The following ZNF609 variants were observed in gnomAD, a reference collection of about 807,000 sequenced individuals.
The protein encoded by ZNF609 is zinc finger protein 609.
A neutral mutation model predicts 109.5 loss-of-function variants in ZNF609; 11 were observed. The observed-to-expected ratio is 0.10, with a 90% CI of 0.06 to 0.17. The LOEUF (loss-of-function observed/expected upper bound fraction) is 0.17. ZNF609 is among the 10% of genes least tolerant of loss of function. The probability of loss-of-function intolerance (pLI) is 1.00; values close to 1 mark genes in which losing one functional copy is unlikely to be tolerated. For synonymous variants in ZNF609, 646 were observed against 662.0 expected (o/e 0.98, Z 0.37); for missense variants, 1,559 against 1,772.4 (o/e 0.88, Z 2.16).
At chr15:64,537,759 T>G (rs1177752471) in intron 2 of ZNF609, among the ~76,000 whole-genome samples, 5 of 152,162 alleles carry the variant, frequency 3.3e-5, no homozygotes, top group Admixed American at 3.3e-4. Flanking sequence ...AACTGTAATA[T>G]GATTGTTTTG....
intron 3 of ZNF609, among the ~76,000 whole-genome samples, chr15:64,665,209 G>GT (rs1896629003): frequency 1.3e-5 from 2 of 152,164 alleles, no homozygotes; most frequent in African/African-American, 4.8e-5. Context: ...CTGCAATCCT[G>GT]TATGTGTATG....
chr15:64,615,189 T>A (rs1410981331), intron 2 of ZNF609, among the ~76,000 whole-genome samples: 1 of 152,000 alleles, frequency 6.6e-6, no homozygotes, highest in East Asian at 1.9e-4. Context: ...GCAGTGGTAG[T>A]ACCTTGGCTC....
At chr15:64,465,021 G>A (rs558255966) in intron 1 of ZNF609, among the ~76,000 whole-genome samples, 1 of 152,208 alleles carries the variant, frequency 6.6e-6, no homozygotes, top group Admixed American at 6.5e-5. Flanking sequence ...TGGTTTTTTA[G>A]ATCACTCAGT....
intron 2 of ZNF609, among the ~76,000 whole-genome samples, chr15:64,570,047 TA>T (rs1445413001): frequency 2.0e-5 from 3 of 152,252 alleles, no homozygotes; most frequent in Non-Finnish European, 4.4e-5. Flanking sequence ...AAAATAGAGA[TA>T]GGGGTCTCGC....
chr15:64,481,024 G>T (rs897288351), intron 1 of ZNF609, among the ~76,000 whole-genome samples: 4 of 152,166 alleles, frequency 2.6e-5, no homozygotes, highest in Non-Finnish European at 5.9e-5. Context: ...TGTAGGTCAG[G>T]CATTATTTCA....
At chr15:64,489,371 A>G (rs999241478) in intron 1 of ZNF609, among the ~76,000 whole-genome samples, 4 of 150,302 alleles carry the variant, frequency 2.7e-5, no homozygotes, top group African/African-American at 9.8e-5. Context: ...TAGTAGAGAC[A>G]GGGTTTTACC....
chr15:64,674,650 C>T lies in ZNF609; in HGVS notation c.1796C>T (p.Thr599Ile), dbSNP rs1896782084. 1 of 1,614,058 alleles carries T rather than the reference C, an allele frequency of 6.2e-7. No homozygotes were observed. The highest frequency in any genetic ancestry group is 8.5e-7 in the Non-Finnish European group (1 of 1,180,048). The change falls in exon 5 of 10, where the codon ACA becomes ATA. Residue 599 changes from threonine to isoleucine, a missense_variant. Transcript: ENST00000326648. ...AAAAAGTTGAGTGGGGAAGGGGACA[C>T]AGACCTTGGGGCCTTATCCAATGAT... Reference protein sequence around the residue: ...CKKKLSGEGDTDLGALSNDGS... With the variant: ...CKKKLSGEGDIDLGALSNDGS...
chr15:64,557,199 T>TG (rs1422867357), intron 2 of ZNF609, among the ~76,000 whole-genome samples: 1 of 151,682 alleles, frequency 6.6e-6, no homozygotes, highest in African/African-American at 2.4e-5. Context: ...TCTTTTTTTT[T>TG]TTTTTGACAA....
At chr15:64,509,694 C>T (rs948147490) in intron 2 of ZNF609, among the ~76,000 whole-genome samples, 2 of 152,176 alleles carry the variant, frequency 1.3e-5, no homozygotes, top group African/African-American at 4.8e-5. Flanking sequence ...GAGGGCTGAT[C>T]TCAGGTTGAG....
At chr15:64,618,964 C>T (rs912083904) in intron 2 of ZNF609, among the ~76,000 whole-genome samples, 4 of 152,114 alleles carry the variant, frequency 2.6e-5, no homozygotes, top group Non-Finnish European at 5.9e-5. Context: ...TACCTAGGTC[C>T]GTGGACACAG....
intron 3 of ZNF609, among the ~76,000 whole-genome samples, chr15:64,657,256 T>A (rs1896503535): frequency 6.9e-6 from 1 of 144,512 alleles, no homozygotes; most frequent in Non-Finnish European, 1.5e-5. Context: ...CAAGACTGTG[T>A]CTCAAAAAAA....
chr15:64,563,773 T>TCAAAA (rs370070824), intron 2 of ZNF609, among the ~76,000 whole-genome samples: 6,564 of 151,250 alleles, frequency 0.043, 194 homozygotes, highest in Middle Eastern at 0.061. Flanking sequence ...AAACTCTGTC[T>TCAAAA]CAAAACAAAA....
rs1461856416 is a variant in ZNF609 at position 64,542,806 on chromosome 15, C to G, written c.747+42640C>G. 2.6e-5 allele frequency among the ~76,000 whole-genome samples: 4 copies of G among 152,162 alleles called. No homozygotes were observed. In the East Asian group the frequency reaches 7.7e-4, roughly 29 times the overall value. On this transcript the variant is annotated intron_variant, in intron 2 of 9. Coordinates refer to ENST00000326648, the MANE Select transcript of ZNF609 (RefSeq NM_015042.2). ...TTAGTTGGACCTTAACACTTTTTACCTGCATCATTCCAGGTTGGTCCCCTG... is the reference window on the plus strand; with the variant it reads ...TTAGTTGGACCTTAACACTTTTTACGTGCATCATTCCAGGTTGGTCCCCTG...
intron 2 of ZNF609, among the ~76,000 whole-genome samples, chr15:64,581,966 C>T (rs1595727311): frequency 6.6e-6 from 1 of 152,078 alleles, no homozygotes; most frequent in East Asian, 1.9e-4. Context: ...CAGAGTCACC[C>T]TCTCCAACAC....
At chr15:64,482,664 T>A (rs1051577072) in intron 1 of ZNF609, among the ~76,000 whole-genome samples, 14 of 152,318 alleles carry the variant, frequency 9.2e-5, no homozygotes, top group African/African-American at 3.4e-4. Flanking sequence ...TTGGTGCCAG[T>A]CATGTAATTT....
At chr15:64,465,781 G>T (rs1397846231) in intron 1 of ZNF609, among the ~76,000 whole-genome samples, 1 of 151,966 alleles carries the variant, frequency 6.6e-6, no homozygotes, top group Admixed American at 6.6e-5. Flanking sequence ...ATCACCAGAA[G>T]AAATGATGTT....
At chr15:64,679,952 T>C (rs1350534744) in intron 6 of ZNF609, among the ~76,000 whole-genome samples, 1 of 152,158 alleles carries the variant, frequency 6.6e-6, no homozygotes. Context: ...CAGTATCAGA[T>C]CTATGGAAGT....
intron 3 of ZNF609, among the ~76,000 whole-genome samples, chr15:64,629,566 A>G (rs77334345): frequency 0.017 from 2,540 of 152,274 alleles, 47 homozygotes; most frequent in Non-Finnish European, 0.023. Flanking sequence ...AAGAAAAGGA[A>G]GGTAGAAGAG....
chr15:64,612,210 C>T (rs866471222), intron 2 of ZNF609, among the ~76,000 whole-genome samples: 7 of 151,166 alleles, frequency 4.6e-5, no homozygotes, highest in Admixed American at 2.6e-4. Context: ...TGCAGTGGCG[C>T]GACCTCGGCT....
Sources: gnomAD v4.1 joint callset for allele counts (sites outside exome capture counted in the v4.1 genomes callset) on GRCh38, gnomAD v4.1.1 for gene constraint, MANE v1.5 for transcripts, NCBI Gene and HGNC (gene_info 2026-07-23, HGNC 2026-07-21) for gene names.